The following MARCHF1 variants were observed in gnomAD, a reference collection of about 807,000 sequenced individuals.
MARCHF1 encodes the protein E3 ubiquitin-protein ligase MARCHF1.
In MARCHF1, 40 loss-of-function variants were observed where a neutral mutation model predicts 54.2. That is an observed-to-expected ratio of 0.74 (90% CI 0.57 to 0.96). MARCHF1 has a LOEUF of 0.96. Among genes scored for constraint, MARCHF1 ranks in the 40% least tolerant of loss-of-function variants. The pLI, the probability that MARCHF1 is intolerant of heterozygous loss-of-function variation, is 0.00. For missense variants in MARCHF1, 586 were observed against 656.5 expected (o/e 0.89, Z 1.17); for synonymous variants, 236 against 236.3 (o/e 1.00, Z 0.01).
intron 4 of MARCHF1, among the ~76,000 whole-genome samples, chr4:163,718,544 T>A (rs1174839184): frequency 6.6e-6 from 1 of 152,200 alleles, no homozygotes; most frequent in Non-Finnish European, 1.5e-5. Flanking sequence ...ATCCAATCTA[T>A]TCTGATGTAG....
chr4:163,925,174 C>A (rs1033475274), intron 3 of MARCHF1, among the ~76,000 whole-genome samples: 1 of 151,690 alleles, frequency 6.6e-6, no homozygotes, highest in Non-Finnish European at 1.5e-5. Flanking sequence ...TATTTATCTG[C>A]AAATATTTTT....
At chr4:163,967,925 C>G (rs574651502) in intron 3 of MARCHF1, among the ~76,000 whole-genome samples, 74 of 152,190 alleles carry the variant, frequency 4.9e-4, no homozygotes, top group Non-Finnish European at 8.1e-4. Flanking sequence ...TGAGACCCAC[C>G]CACATTATGA....
intron 1 of MARCHF1, among the ~76,000 whole-genome samples, chr4:164,130,928 A>T (rs1254600054): frequency 6.6e-6 from 1 of 152,200 alleles, no homozygotes; most frequent in Non-Finnish European, 1.5e-5. Flanking sequence ...ACTTTCTAGG[A>T]TACGAGACAT....
At chr4:164,233,955 G>A (rs1431573951) in intron 1 of MARCHF1, among the ~76,000 whole-genome samples, 1 of 152,084 alleles carries the variant, frequency 6.6e-6, no homozygotes, top group African/African-American at 2.4e-5. Context: ...CAATTTAGAT[G>A]CCACATGAGT....
rs145413875 is a variant in MARCHF1 at position 163,699,255 on chromosome 4, T to TGACTGATACTAGACTATCTTA, written c.162+1537_162+1557dup. On this transcript the variant is annotated intron_variant, in intron 5 of 9. Coordinates refer to ENST00000514618, the MANE Select transcript of MARCHF1 (RefSeq NM_001394959.1). ...CTGCATGTCTTGCAAGCACACACAT[T>TGACTGATACTAGACTATCTTA]GACTGATACTAGACTATCTTAAAGA... 2.2e-3 allele frequency among the ~76,000 whole-genome samples: 329 copies of TGACTGATACTAGACTATCTTA among 152,354 alleles called. 9 individuals carry two copies. In the East Asian group the frequency reaches 0.051, roughly 23 times the overall value.
intron 3 of MARCHF1, among the ~76,000 whole-genome samples, chr4:163,979,707 T>C (rs1456803414): frequency 2.0e-5 from 3 of 152,134 alleles, no homozygotes; most frequent in South Asian, 2.1e-4. Flanking sequence ...TTTTAATGAT[T>C]GCCATTCTAA....
intron 4 of MARCHF1, among the ~76,000 whole-genome samples, chr4:163,786,321 T>C (rs996609608): frequency 1.3e-5 from 2 of 152,008 alleles, no homozygotes; most frequent in African/African-American, 2.4e-5. Context: ...AACATTTCAA[T>C]TGGATTTGGC....
chr4:163,717,273 T>C (rs1455386609), intron 4 of MARCHF1, among the ~76,000 whole-genome samples: 4 of 151,412 alleles, frequency 2.6e-5, no homozygotes, highest in African/African-American at 9.7e-5. Context: ...TGCGATAGTT[T>C]GCTGAGAATG....
At chr4:164,036,111 A>AC (rs1475819604) in intron 2 of MARCHF1, among the ~76,000 whole-genome samples, 7 of 122,480 alleles carry the variant, frequency 5.7e-5, no homozygotes, top group African/African-American at 2.4e-4. Flanking sequence ...TCAAAAAAAA[A>AC]AAAAACAAAA....
chr4:164,044,147 T>C (rs1343226182), intron 2 of MARCHF1, among the ~76,000 whole-genome samples: 1 of 152,190 alleles, frequency 6.6e-6, no homozygotes, highest in African/African-American at 2.4e-5. Flanking sequence ...TGTTACCCAG[T>C]TGCAAAGTCG....
intron 2 of MARCHF1, among the ~76,000 whole-genome samples, chr4:164,026,126 A>G (rs1386458997): frequency 6.6e-6 from 1 of 152,098 alleles, no homozygotes; most frequent in Non-Finnish European, 1.5e-5. Flanking sequence ...GCTGGACAAG[A>G]TGGATTCACA....
chr4:164,030,861 T>G (rs1329586370), intron 2 of MARCHF1, among the ~76,000 whole-genome samples: 6 of 151,816 alleles, frequency 4.0e-5, no homozygotes, highest in African/African-American at 1.5e-4. Flanking sequence ...TGCACAGGAG[T>G]TCATGATTTG....
At chr4:163,825,112 C>G (rs1185405143) in intron 4 of MARCHF1, among the ~76,000 whole-genome samples, 1 of 151,974 alleles carries the variant, frequency 6.6e-6, no homozygotes, top group African/African-American at 2.4e-5. Context: ...TTTCCACATT[C>G]TACCCTCAAG....
At chr4:163,718,061 C>T (rs558345896) in intron 4 of MARCHF1, among the ~76,000 whole-genome samples, 1 of 152,300 alleles carries the variant, frequency 6.6e-6, no homozygotes, top group African/African-American at 2.4e-5. Flanking sequence ...AAAGGATTCC[C>T]TATTTAATCA....
intron 1 of MARCHF1, among the ~76,000 whole-genome samples, chr4:164,268,889 G>C (rs1025810131): frequency 6.6e-6 from 1 of 152,150 alleles, no homozygotes; most frequent in Non-Finnish European, 1.5e-5. Flanking sequence ...AACGGAAGGA[G>C]CTGCCATTTA....
chr4:164,017,659 GATAA>G (rs1386101540), intron 2 of MARCHF1, among the ~76,000 whole-genome samples: 1 of 151,582 alleles, frequency 6.6e-6, no homozygotes. Flanking sequence ...ATAAAATGAA[GATAA>G]ATAAATACAT....
intron 3 of MARCHF1, among the ~76,000 whole-genome samples, chr4:163,912,647 A>G (rs746227028): frequency 6.6e-5 from 10 of 152,154 alleles, no homozygotes; most frequent in Non-Finnish European, 1.5e-4. Flanking sequence ...ATCCACATTG[A>G]TTATTTAAGA....
At chr4:164,243,376 C>T (rs1214624710) in intron 1 of MARCHF1, among the ~76,000 whole-genome samples, 3 of 149,522 alleles carry the variant, frequency 2.0e-5, no homozygotes, top group South Asian at 2.2e-4. Context: ...TCCAGCCAAA[C>T]TAAGCTTCAT....
intron 7 of MARCHF1, among the ~76,000 whole-genome samples, chr4:163,600,305 C>CG (rs1382894600): frequency 6.6e-6 from 1 of 152,090 alleles, no homozygotes; most frequent in Non-Finnish European, 1.5e-5. Flanking sequence ...TCTCAGCTTT[C>CG]GGTTGCTCAT....
Sources: gnomAD v4.1 joint callset for allele counts (sites outside exome capture counted in the v4.1 genomes callset) on GRCh38, gnomAD v4.1.1 for gene constraint, MANE v1.5 for transcripts, NCBI Gene and HGNC (gene_info 2026-07-23, HGNC 2026-07-21) for gene names.